ELFN2: variants seen among roughly 807,000 people sequenced by gnomAD.
The protein encoded by ELFN2 is protein phosphatase 1 regulatory subunit 29.
Under a neutral mutation model 45.5 loss-of-function variants are expected in ELFN2, and 17 were observed. The ratio of observed to expected loss-of-function variants is 0.37; its 90% CI spans 0.26 to 0.56. The LOEUF (loss-of-function observed/expected upper bound fraction) is 0.56, where lower values mean the gene tolerates loss of function less well. Ranked by LOEUF, ELFN2 falls within the 20% of genes least tolerant of loss-of-function variation. The pLI, the probability that ELFN2 is intolerant of heterozygous loss-of-function variation, is 0.77. For synonymous variants in ELFN2, 550 were observed against 551.5 expected, an observed-to-expected ratio of 1.00 and a Z score of 0.04; for missense variants, 922 against 1,183.2, an observed-to-expected ratio of 0.78 and a Z score of 3.24.
rs375959244 is a variant in ELFN2, at chr22:37,374,236, G to A, written c.1299C>T (p.Asn433=). Residue 433 remains asparagine (N), a synonymous_variant, in exon 3 of 3, where the codon AAC becomes AAT. Transcript: ENST00000402918. Reference sequence around the variant, plus strand: ...GCATCTCCAGGATGGTCTTCTTGACGTTGACAGACTTCTGCTTCTCCTCCT... The same window carrying A: ...GCATCTCCAGGATGGTCTTCTTGACATTGACAGACTTCTGCTTCTCCTCCT... ...RMQEEKQKSV[N]VKKTILEMRY... 311 of 1,613,816 alleles carry A rather than the reference G, an allele frequency of 1.9e-4. No homozygotes were observed. The highest frequency in any genetic ancestry group is 2.5e-4 in the Non-Finnish European group (295 of 1,180,040).
intron 1 of ELFN2, among the ~76,000 whole-genome samples, chr22:37,346,739 T>C (rs1476671478): frequency 6.6e-6 from 1 of 152,046 alleles, no homozygotes; most frequent in Non-Finnish European, 1.5e-5. Context: ...GACACACACA[T>C]GTGCACACCA....
intron 2 of ELFN2, among the ~76,000 whole-genome samples, chr22:37,387,933 G>A (rs549838903): frequency 6.6e-6 from 1 of 151,758 alleles, no homozygotes; most frequent in Admixed American, 6.6e-5. Flanking sequence ...CTCCACGGCT[G>A]GACTCATCTC....
At chr22:37,388,200 G>A (rs1219675542) in intron 2 of ELFN2, among the ~76,000 whole-genome samples, 1 of 152,040 alleles carries the variant, frequency 6.6e-6, no homozygotes, top group Non-Finnish European at 1.5e-5. Context: ...GGCTGATCTG[G>A]GAAAATTCCA....
At chr22:37,380,991 A>G (rs8141881) in intron 2 of ELFN2, among the ~76,000 whole-genome samples, 120,512 of 152,052 alleles carry the variant, frequency 0.79, 48,129 homozygotes, top group African/African-American at 0.89. Flanking sequence ...GATTTCCAGC[A>G]CAATGAGCCC....
chr22:37,408,918 T>C (rs903844489), intron 2 of ELFN2, among the ~76,000 whole-genome samples: 1 of 152,216 alleles, frequency 6.6e-6, no homozygotes, highest in Non-Finnish European at 1.5e-5. Context: ...AAGGAAGATA[T>C]GATTCCCTTT....
At chr22:37,381,175 A>G (rs545943025) in intron 2 of ELFN2, among the ~76,000 whole-genome samples, 12 of 152,202 alleles carry the variant, frequency 7.9e-5, no homozygotes, top group South Asian at 2.1e-4. Context: ...CTCGAATCTT[A>G]TATCAACCCC....
intron 2 of ELFN2, among the ~76,000 whole-genome samples, chr22:37,397,552 GA>G (rs1932247106): frequency 1.3e-5 from 2 of 152,298 alleles, no homozygotes; most frequent in South Asian, 2.1e-4. Flanking sequence ...ACAGGGAAAG[GA>G]GGGGGAACGT....
intron 2 of ELFN2, among the ~76,000 whole-genome samples, chr22:37,411,243 T>C (rs1407720923): frequency 2.0e-5 from 3 of 152,030 alleles, no homozygotes; most frequent in Non-Finnish European, 4.4e-5. Flanking sequence ...CCTGGGAGTT[T>C]TTCCACTCTG....
chr22:37,398,424 C>T (rs1932275224), intron 2 of ELFN2, among the ~76,000 whole-genome samples: 1 of 152,012 alleles, frequency 6.6e-6, no homozygotes, highest in Non-Finnish European at 1.5e-5. Flanking sequence ...TCATCAAATG[C>T]TACCTCTTCC....
At chr22:37,409,161 G>A (rs372469604) in intron 2 of ELFN2, among the ~76,000 whole-genome samples, 1 of 152,252 alleles carries the variant, frequency 6.6e-6, no homozygotes, top group South Asian at 2.1e-4. Context: ...CAGGGACCAG[G>A]CCCCAGACCC....
At chr22:37,407,850 G>C (rs5756673) in intron 2 of ELFN2, among the ~76,000 whole-genome samples, 116 of 151,386 alleles carry the variant, frequency 7.7e-4, no homozygotes, top group Non-Finnish European at 1.4e-3. Flanking sequence ...AGCCGAGATC[G>C]CGCCACTACA....
At chr22:37,391,871 C>G (rs1461689603) in intron 2 of ELFN2, among the ~76,000 whole-genome samples, 2 of 152,238 alleles carry the variant, frequency 1.3e-5, no homozygotes, top group Non-Finnish European at 2.9e-5. Context: ...CTCTGAGACT[C>G]AGGAGGAAGG....
At chr22:37,341,888 C>T (rs897310923) in intron 2 of ELFN2, among the ~76,000 whole-genome samples, 1 of 152,262 alleles carries the variant, frequency 6.6e-6, no homozygotes, top group East Asian at 1.9e-4. Context: ...GGGGAATTCT[C>T]CCCACAGGCA....
chr22:37,410,183 A>AG (rs1276570127), intron 2 of ELFN2, among the ~76,000 whole-genome samples: 2 of 152,276 alleles, frequency 1.3e-5, no homozygotes, highest in East Asian at 3.9e-4. Flanking sequence ...GCAGGGCCAG[A>AG]GAGATGGGTG....
In ELFN2 at chr22:37,375,361, G is replaced by A. The variant is rs147470055; in HGVS notation, c.174C>T (p.His58=). 1.9e-5 allele frequency: 30 copies of A among 1,614,034 alleles called. No individual in the cohort carries two copies. Among genetic ancestry groups the A allele is most frequent in the South Asian group, 3.3e-5 (3 of 91,080 alleles). Residue 58 remains histidine, a synonymous_variant, in exon 3 of 3, where the codon CAC becomes CAT. Coordinates refer to ENST00000402918, the MANE Select transcript of ELFN2 (RefSeq NM_052906.5). ...GCTTGTTCTCGTTGAGCCGCAGGTC[G>A]TGCACGGTGCTATTGATGTGCTGCG... ...TIPQHINSTV[H]DLRLNENKLK... is the part of the protein sequence containing the mutation.
Position 37,370,534 on chromosome 22 carries a change from G to A in ELFN2, c.*2538C>T, listed in dbSNP as rs1356360120. 6.6e-6 allele frequency: 1 copy of A among 152,418 alleles called. No individual in the cohort carries two copies. The highest frequency in any genetic ancestry group is 1.5e-5 in the Non-Finnish European group (1 of 68,100). The allele number at this position is 152,418 out of a possible 1,614,324, so 9.4% of individuals were successfully genotyped here. On this transcript the variant is annotated 3_prime_UTR_variant, in exon 3 of 3. Coordinates refer to ENST00000402918, the MANE Select transcript of ELFN2 (RefSeq NM_052906.5). ...GACAGTCCCTTCCACCGGGACAAGA[G>A]CCCTTGAGGAGGCTTCCCTGGGGCT...
intron 2 of ELFN2, among the ~76,000 whole-genome samples, chr22:37,413,436 C>T (rs994816357): frequency 2.0e-5 from 3 of 151,778 alleles, no homozygotes; most frequent in African/African-American, 7.3e-5. Context: ...GTGGTATGTG[C>T]CTGTAGTCCC....
intron 2 of ELFN2, among the ~76,000 whole-genome samples, chr22:37,412,511 G>A (rs956093123): frequency 6.6e-6 from 1 of 151,998 alleles, no homozygotes; most frequent in East Asian, 1.9e-4. Flanking sequence ...TGCCCCAAGG[G>A]GCCAAGCAGG....
intron 2 of ELFN2, among the ~76,000 whole-genome samples, chr22:37,415,671 A>G (rs943097901): frequency 2.0e-5 from 3 of 152,216 alleles, no homozygotes; most frequent in Non-Finnish European, 4.4e-5. Flanking sequence ...TTTTAAAAGT[A>G]ATGATGGTGG....
Sources: gnomAD v4.1 joint callset for allele counts (sites outside exome capture counted in the v4.1 genomes callset) on GRCh38, gnomAD v4.1.1 for gene constraint, MANE v1.5 for transcripts, NCBI Gene and HGNC (gene_info 2026-07-23, HGNC 2026-07-21) for gene names.